The following SEPTIN11 variants were observed in gnomAD, a reference collection of about 807,000 sequenced individuals.
SEPTIN11 encodes septin 11.
Under a neutral mutation model 51.4 loss-of-function variants are expected in SEPTIN11, and 25 were observed. The observed-to-expected ratio is 0.49, with a 90% CI of 0.35 to 0.68. SEPTIN11 has a LOEUF of 0.68. SEPTIN11 is among the 30% of genes least tolerant of loss of function. SEPTIN11 has a pLI of 0.00. For synonymous variants in SEPTIN11, 174 were observed against 184.1 expected, an observed-to-expected ratio of 0.95 and a Z score of 0.44; for missense variants, 381 against 520.8, an observed-to-expected ratio of 0.73 and a Z score of 2.61.
Position 77,036,565 on chromosome 4 carries a change from T to C in SEPTIN11, c.*2053T>C. 7.1e-7 allele frequency: 1 copy of C among 1,417,452 alleles called. No individual in the cohort carries two copies. The highest frequency in any genetic ancestry group is 9.1e-7 in the Non-Finnish European group (1 of 1,093,918). 87.8% of individuals were successfully genotyped at this position (1,417,452 alleles called of 1,614,324 possible). On this transcript the variant is annotated 3_prime_UTR_variant, in exon 10 of 10. Coordinates refer to ENST00000264893, the MANE Select transcript of SEPTIN11 (RefSeq NM_018243.4). The stretch of plus-strand genomic sequence containing the variant: ...TTTGATTCCAAGATTATTGATTGGA[T>C]TGACTTTTTTGCATTAAATTTTTCC...
intron 3 of SEPTIN11, among the ~76,000 whole-genome samples, chr4:77,006,024 G>C (rs1363345296): frequency 6.6e-6 from 1 of 152,028 alleles, no homozygotes; most frequent in Non-Finnish European, 1.5e-5. Flanking sequence ...ATCAGAAAGG[G>C]GCTTTATTAG....
At chr4:76,982,224 T>G (rs1560707706) in intron 1 of SEPTIN11, among the ~76,000 whole-genome samples, 1 of 152,200 alleles carries the variant, frequency 6.6e-6, no homozygotes, top group South Asian at 2.1e-4. Context: ...TTTTTTTTTT[T>G]TTGATTGAGA....
At chr4:77,016,657 C>CATATATATATATATATATATATATAT (rs1560736525) in intron 5 of SEPTIN11, among the ~76,000 whole-genome samples, 4 of 79,218 alleles carry the variant, frequency 5.0e-5, no homozygotes, top group East Asian at 3.0e-4. Context: ...TATATATATA[C>CATATATATATATATATATATATATAT]ACATATATAT....
chr4:76,986,923 C>A (rs376531186), intron 1 of SEPTIN11, among the ~76,000 whole-genome samples: 1 of 151,900 alleles, frequency 6.6e-6, no homozygotes, highest in Non-Finnish European at 1.5e-5. Context: ...TAACATTTCC[C>A]GAAAATCTTA....
At chr4:77,006,819 G>C (rs1237295249) in intron 3 of SEPTIN11, among the ~76,000 whole-genome samples, 1 of 152,102 alleles carries the variant, frequency 6.6e-6, no homozygotes. Flanking sequence ...GAAATGCCTA[G>C]ATATATTTTA....
Position 77,024,879 on chromosome 4 carries a change from G to T in SEPTIN11, c.954-3750G>T, listed in dbSNP as rs1252757930. On this transcript the variant is annotated intron_variant, in intron 7 of 9. Transcript: ENST00000264893. The surrounding 1 kb of genome is among the most constrained non-coding windows in gnomAD (Gnocchi z 4.2). ...GGTGATAGTAATGGCTACCTTATTG[G>T]GTTGTTGTAAGGATTAAATGAATTC... 1.3e-5 allele frequency among the ~76,000 whole-genome samples: 2 copies of T among 152,104 alleles called. No homozygotes were observed. Among genetic ancestry groups the T allele is most frequent in the East Asian group, 3.9e-4 (2 of 5,192 alleles).
intron 2 of SEPTIN11, among the ~76,000 whole-genome samples, chr4:77,004,229 T>C (rs28682963): frequency 0.011 from 1,713 of 152,344 alleles, 34 homozygotes; most frequent in African/African-American, 0.038. Context: ...TACAGATACC[T>C]GCTACTCTGC....
At chr4:77,034,031 A>G (rs753451243) in intron 9 of SEPTIN11, among the ~76,000 whole-genome samples, 1 of 152,164 alleles carries the variant, frequency 6.6e-6, no homozygotes, top group Non-Finnish European at 1.5e-5. Context: ...TGTAATTTCA[A>G]TCCCTAAACT....
At chr4:76,990,828 A>G (rs1213584236) in intron 1 of SEPTIN11, among the ~76,000 whole-genome samples, 2 of 152,180 alleles carry the variant, frequency 1.3e-5, no homozygotes, top group African/African-American at 4.8e-5. Flanking sequence ...GCATGACTGC[A>G]GAAGCAAAAG....
rs1344740575 is a variant in SEPTIN11, at chr4:76,950,042, C to CGGT, written c.27+114_27+115insTGG. The CGGT allele has an allele frequency of 4.4e-4, 510 of 1,168,428 alleles. 5 individuals carry two copies. The highest frequency in any genetic ancestry group is 7.5e-4 in the Admixed American group (18 of 24,010). 72.4% of individuals were successfully genotyped at this position (1,168,428 alleles called of 1,614,324 possible). A position where few individuals can be genotyped will look rare whatever the true frequency, so the allele number is the denominator to read the frequency against. On this transcript the variant is annotated intron_variant, in intron 1 of 9. Coordinates refer to ENST00000264893, the MANE Select transcript of SEPTIN11 (RefSeq NM_018243.4). ...GGGCGGGTGCTCGGCCCCGCGGCGG[C>CGGT]GGCGACGGCTGTGGGTGTGTGCACG...
At chr4:77,030,642 AC>A (rs1419031450) in intron 8 of SEPTIN11, 140 bp from the exon 9 acceptor site, 1 of 665,156 alleles carries the variant, frequency 1.5e-6, no homozygotes, top group African/African-American at 1.9e-5. Flanking sequence ...TGATCCACCC[AC>A]CTCGGCCTCC....
At chr4:76,983,449 C>T (rs1341199569) in intron 1 of SEPTIN11, among the ~76,000 whole-genome samples, 2 of 152,114 alleles carry the variant, frequency 1.3e-5, no homozygotes, top group African/African-American at 4.8e-5. Flanking sequence ...AGGGTATTTC[C>T]CCAGAGCCTT....
chr4:76,969,785 A>T (rs1007557859), intron 1 of SEPTIN11, among the ~76,000 whole-genome samples: 2 of 152,196 alleles, frequency 1.3e-5, no homozygotes, highest in African/African-American at 2.4e-5. Flanking sequence ...AGGGTTAGTT[A>T]AAAATTCACT....
At chr4:77,013,095 G>A (rs1355105978) in intron 4 of SEPTIN11, among the ~76,000 whole-genome samples, 1 of 152,186 alleles carries the variant, frequency 6.6e-6, no homozygotes, top group African/African-American at 2.4e-5. Context: ...ACATTCTGAA[G>A]GAAGTAGAGT....
intron 1 of SEPTIN11, among the ~76,000 whole-genome samples, chr4:76,953,580 A>G (rs1721439988): frequency 6.6e-6 from 1 of 152,176 alleles, no homozygotes; most frequent in Non-Finnish European, 1.5e-5. Context: ...TGCCTGGAGA[A>G]ACATGAATGG....
In SEPTIN11 at chr4:77,034,788, A is replaced by G. The variant is rs1726920497; in HGVS notation, c.*276A>G. ...CCTGTTCTGAATGGCAGCACGAAGC[A>G]GGCCTGTTACTTGTATGTCGCTTTG... On this transcript the variant is annotated 3_prime_UTR_variant, in exon 10 of 10. Coordinates refer to ENST00000264893, the MANE Select transcript of SEPTIN11 (RefSeq NM_018243.4). 2 of 1,143,434 alleles carry G rather than the reference A, an allele frequency of 1.7e-6. No individual in the cohort carries two copies. The highest frequency in any genetic ancestry group is 4.5e-5 in the East Asian group (1 of 22,142). The allele number at this position is 1,143,434 out of a possible 1,614,324, so 70.8% of individuals were successfully genotyped here. A position where few individuals can be genotyped will look rare whatever the true frequency, so the allele number is the denominator to read the frequency against.
chr4:77,034,979 C>T lies in SEPTIN11; in HGVS notation c.*467C>T. ...CCCTGAACTCACTGTCTTTTCTCCA[C>T]ACTTGTCCTAAGCCAAGGTAGATTT... On this transcript the variant is annotated 3_prime_UTR_variant, in exon 10 of 10. Coordinates refer to ENST00000264893, the MANE Select transcript of SEPTIN11 (RefSeq NM_018243.4). 1 of 986,540 alleles carries T rather than the reference C, an allele frequency of 1.0e-6. No individual in the cohort carries two copies. The highest frequency in any genetic ancestry group is 1.2e-6 in the Non-Finnish European group (1 of 830,450). The allele number at this position is 986,540 out of a possible 1,614,324, so 61.1% of individuals were successfully genotyped here. A position where few individuals can be genotyped will look rare whatever the true frequency, so the allele number is the denominator to read the frequency against.
At chr4:76,987,057 A>G (rs1723068766) in intron 1 of SEPTIN11, among the ~76,000 whole-genome samples, 3 of 152,276 alleles carry the variant, frequency 2.0e-5, no homozygotes, top group South Asian at 2.1e-4. Flanking sequence ...AATTGGGACA[A>G]TTATTCAGTA....
chr4:76,974,575 C>T (rs112996101), intron 1 of SEPTIN11: 36 of 364,316 alleles, frequency 9.9e-5, no homozygotes, highest in Middle Eastern at 8.1e-4. Flanking sequence ...CACTACAAAC[C>T]CAAGGACAGT....
Sources: allele counts gnomAD v4.1 joint callset (sites outside exome capture counted in the v4.1 genomes callset), GRCh38; gene constraint gnomAD v4.1.1; non-coding constraint Gnocchi (gnomAD v3.1); transcripts MANE v1.5; gene names NCBI Gene and HGNC (gene_info 2026-07-23, HGNC 2026-07-21).